Variants in KSR1 observed in about 807,000 individuals in gnomAD.
The protein encoded by KSR1 is kinase suppressor of ras 1, also known as kinase suppressor of ras.
In KSR1, 35 loss-of-function variants were observed where a neutral mutation model predicts 92.9. That is an observed-to-expected ratio of 0.38 (90% CI 0.29 to 0.50). The LOEUF is 0.50. Among genes scored for constraint, KSR1 ranks in the 20% least tolerant of loss-of-function variants. The pLI, the probability that KSR1 is intolerant of heterozygous loss-of-function variation, is 0.94. For missense variants in KSR1, 972 were observed against 1,158.5 expected, an observed-to-expected ratio of 0.84 and a Z score of 2.34; for synonymous variants, 467 against 472.6, an observed-to-expected ratio of 0.99 and a Z score of 0.15.
intron 1 of KSR1, among the ~76,000 whole-genome samples, chr17:27,468,713 T>A (rs1411225243): frequency 6.6e-6 from 1 of 152,128 alleles, no homozygotes; most frequent in East Asian, 1.9e-4. Flanking sequence ...AAAAGGCAGT[T>A]TTGATTATTT....
intron 1 of KSR1, among the ~76,000 whole-genome samples, chr17:27,498,714 A>G (rs911422053): frequency 2.6e-5 from 4 of 152,100 alleles, no homozygotes; most frequent in African/African-American, 9.7e-5. Context: ...TGTTAAAGCT[A>G]TTGAGGCCTG....
chr17:27,584,088 C>A (rs931287732), intron 4 of KSR1: 1 of 567,962 alleles, frequency 1.8e-6, no homozygotes, highest in Non-Finnish European at 2.2e-6. Flanking sequence ...GTCAGTATAC[C>A]CTTGGCAGCA....
rs115356648 is a variant in KSR1 at position 27,504,224 on chromosome 17, C to T, written c.232-46344C>T. ...CCCAAACATCTGTGAAGGCACCTGC[C>T]GGGATCCAGCAGCTGTGCCCAGCCT... On this transcript the variant is annotated intron_variant, in intron 1 of 20. Coordinates refer to ENST00000644974, the MANE Select transcript of KSR1 (RefSeq NM_001394583.1). Among the ~76,000 whole-genome samples, 1,510 of 152,234 alleles carry T rather than the reference C, an allele frequency of 9.9e-3. 19 individuals carry two copies. The highest frequency in any genetic ancestry group is 0.034 in the African/African-American group (1,400 of 41,516).
At chr17:27,525,649 T>C (rs2070228728) in intron 1 of KSR1, among the ~76,000 whole-genome samples, 1 of 152,194 alleles carries the variant, frequency 6.6e-6, no homozygotes, top group Admixed American at 6.5e-5. Flanking sequence ...GTCACTGAGT[T>C]TGCATTTTTT....
intron 1 of KSR1, among the ~76,000 whole-genome samples, chr17:27,481,669 C>T (rs1242989295): frequency 6.6e-6 from 1 of 152,118 alleles, no homozygotes; most frequent in Non-Finnish European, 1.5e-5. Context: ...GAAACTCATC[C>T]TTTTGGGGGT....
rs1567906219 is a variant in KSR1 at position 27,626,373 on chromosome 17, A to G, written c.*2981A>G. ...GGGTTTTTTTGCCACTGGCAAGAAC[A>G]TGCCCTCTGTGCTAAGCCAGGCCTG... On this transcript the variant is annotated 3_prime_UTR_variant, in exon 21 of 21. Coordinates refer to ENST00000644974, the MANE Select transcript of KSR1 (RefSeq NM_001394583.1). 1 of 152,262 alleles carries G rather than the reference A, an allele frequency of 6.6e-6. No homozygotes were observed. Among genetic ancestry groups the G allele is most frequent in the Non-Finnish European group, 1.5e-5 (1 of 68,048 alleles). The allele number at this position is 152,262 out of a possible 1,614,324, so 9.4% of individuals were successfully genotyped here. A position where few individuals can be genotyped will look rare whatever the true frequency, so the allele number is the denominator to read the frequency against.
chr17:27,577,844 G>A lies in KSR1; in HGVS notation c.520+205G>A, dbSNP rs1380610990. The A allele has an allele frequency of 4.3e-6, 3 of 691,198 alleles. No individual in the cohort carries two copies. The highest frequency in any genetic ancestry group is 5.3e-6 in the Non-Finnish European group (2 of 380,108). The allele number at this position is 691,198 out of a possible 1,614,324, so 42.8% of individuals were successfully genotyped here. A position where few individuals can be genotyped will look rare whatever the true frequency, so the allele number is the denominator to read the frequency against. ...GGATCCTGGTGGGTCTGGCCAGGCCGAATCTGAGGGGTTTCAGCCATGGTT... is the reference window on the plus strand; with the variant it reads ...GGATCCTGGTGGGTCTGGCCAGGCCAAATCTGAGGGGTTTCAGCCATGGTT... On this transcript the variant is annotated intron_variant, in intron 3 of 20. Transcript: ENST00000644974. This position sits in a 1 kb window ranked among gnomAD's most constrained non-coding sequence, Gnocchi z 4.5.
intron 10 of KSR1, 64 bp downstream of exon 10, chr17:27,597,500 C>T: frequency 6.7e-7 from 1 of 1,496,562 alleles, no homozygotes; most frequent in South Asian, 1.3e-5. Context: ...CTCAGCAGAC[C>T]CAAGTTCGGC....
intron 2 of KSR1, chr17:27,558,246 G>A (rs991205226): frequency 6.7e-6 from 1 of 149,562 alleles, no homozygotes; most frequent in Non-Finnish European, 1.5e-5. Context: ...AAAATGACGT[G>A]CAAATTTACT....
chr17:27,604,719 C>T lies in KSR1; in HGVS notation c.1605C>T (p.His535=), dbSNP rs55686363. ...CGAAAGCAGATGTGTTGGAAGCTCA[C>T]GAAGCGGAGGTGAGGGTGACACACA... ...DQPKADVLEA[H]EAEAEEPEAG... Residue 535 remains histidine, a synonymous_variant, in exon 13 of 21, where the codon CAC becomes CAT. Coordinates refer to ENST00000644974, the MANE Select transcript of KSR1 (RefSeq NM_001394583.1). 52,865 of 1,613,924 alleles carry T rather than the reference C, an allele frequency of 0.033. 1,016 individuals carry two copies. The highest frequency in any genetic ancestry group is 0.038 in the Non-Finnish European group (44,888 of 1,179,786).
At chr17:27,498,980 G>GA (rs991425427) in intron 1 of KSR1, among the ~76,000 whole-genome samples, 33 of 152,268 alleles carry the variant, frequency 2.2e-4, no homozygotes, top group African/African-American at 7.2e-4. Flanking sequence ...GGACTTCTAT[G>GA]AAAAAATGGA....
At chr17:27,494,751 CCT>C (rs1437148395) in intron 1 of KSR1, among the ~76,000 whole-genome samples, 3 of 152,240 alleles carry the variant, frequency 2.0e-5, no homozygotes, top group African/African-American at 7.2e-5. Context: ...GCCTGGCAGT[CCT>C]CTCAGCATTG....
Position 27,577,733 on chromosome 17 carries a change from GC to G in KSR1, c.520+97del. 1.8e-6 allele frequency: 2 copies of G among 1,105,682 alleles called. No homozygotes were observed. The highest frequency in any genetic ancestry group is 2.7e-6 in the Non-Finnish European group (2 of 753,702). The allele number at this position is 1,105,682 out of a possible 1,614,324, so 68.5% of individuals were successfully genotyped here. On this transcript the variant is annotated intron_variant, in intron 3 of 20. Transcript: ENST00000644974. This position sits in a 1 kb window ranked among gnomAD's most constrained non-coding sequence, Gnocchi z 4.5. ...TGGGTGATGGAGCGGGGCAAGCGTG[GC>G]CCAGGGTTTCTGGGGCAGCCTGGAA...
chr17:27,556,765 A>G (rs1162759262), intron 2 of KSR1, among the ~76,000 whole-genome samples: 1 of 152,172 alleles, frequency 6.6e-6, no homozygotes, highest in Non-Finnish European at 1.5e-5. Flanking sequence ...TGCAGGGCCC[A>G]GATTCCAGCC....
intron 1 of KSR1, among the ~76,000 whole-genome samples, chr17:27,501,221 G>A (rs1228191190): frequency 6.7e-6 from 1 of 149,250 alleles, no homozygotes; most frequent in African/African-American, 2.5e-5. Flanking sequence ...CCTTGACCAA[G>A]GCTATATATT....
intron 1 of KSR1, 86 bp downstream of exon 1, chr17:27,456,960 C>T (rs1383685218): frequency 1.1e-5 from 8 of 710,084 alleles, no homozygotes; most frequent in Non-Finnish European, 2.0e-5. Context: ...CGAGTTGCAT[C>T]CTTGAGCCCG....
chr17:27,524,534 T>C (rs1271209805), intron 1 of KSR1, among the ~76,000 whole-genome samples: 2 of 152,102 alleles, frequency 1.3e-5, no homozygotes, highest in Admixed American at 1.3e-4. Context: ...GAGGTATTGA[T>C]GGGAGGTGAG....
intron 1 of KSR1, among the ~76,000 whole-genome samples, chr17:27,544,180 A>G (rs1003105184): frequency 7.2e-5 from 11 of 152,130 alleles, no homozygotes; most frequent in African/African-American, 1.9e-4. Context: ...CACTGGTTAG[A>G]TCCCATGGCT....
At chr17:27,553,389 G>A (rs1317651475) in intron 2 of KSR1, among the ~76,000 whole-genome samples, 5 of 152,186 alleles carry the variant, frequency 3.3e-5, no homozygotes, top group Non-Finnish European at 5.9e-5. Flanking sequence ...GCAGTTTTCT[G>A]AATCAAGAGA....
Sources: gnomAD v4.1 joint callset for allele counts (sites outside exome capture counted in the v4.1 genomes callset) on GRCh38, gnomAD v4.1.1 for gene constraint, Gnocchi (gnomAD v3.1) non-coding constraint, MANE v1.5 for transcripts, NCBI Gene and HGNC (gene_info 2026-07-23, HGNC 2026-07-21) for gene names.